Variants in ARB2A observed in about 807,000 individuals in gnomAD.
ARB2A encodes the protein ARB2 cotranscriptional regulator A, also known as cotranscriptional regulator ARB2A.
At chr5:93,874,677 A>G in the ARB2A span, among the ~76,000 whole-genome samples, 1 of 152,170 alleles carries the variant, frequency 6.6e-6, no homozygotes, top group Non-Finnish European at 1.5e-5. Flanking sequence ...ATCTACATTC[A>G]GTTGGTCAGA....
chr5:93,622,787 G>A, the ARB2A span, among the ~76,000 whole-genome samples: 4 of 152,068 alleles, frequency 2.6e-5, no homozygotes, highest in African/African-American at 4.8e-5. Flanking sequence ...GATGAGTGTA[G>A]GTTTATCTTG....
the ARB2A span, among the ~76,000 whole-genome samples, chr5:93,873,389 G>GAAAGGAAAGGAAAGGAAA: frequency 1.4e-3 from 7 of 4,922 alleles, no homozygotes; most frequent in African/African-American, 3.2e-3. Context: ...GGAAAGGAAG[G>GAAAGGAAAGGAAAGGAAA]GGAAGGGGAA....
the ARB2A span, among the ~76,000 whole-genome samples, chr5:93,757,052 T>G: frequency 5.9e-4 from 90 of 152,136 alleles, no homozygotes; most frequent in Admixed American, 9.8e-4. Context: ...TCAGGAAACT[T>G]TGGGACACAC....
At chr5:93,930,218 T>C in the ARB2A span, among the ~76,000 whole-genome samples, 10 of 152,334 alleles carry the variant, frequency 6.6e-5, no homozygotes, top group South Asian at 1.7e-3. Context: ...ATTATAAATA[T>C]GCTTGATAAT....
chr5:93,887,478 G>A, the ARB2A span, among the ~76,000 whole-genome samples: 3 of 151,658 alleles, frequency 2.0e-5, no homozygotes, highest in African/African-American at 2.4e-5. Flanking sequence ...TAGAAAATAC[G>A]TGTTCGGCAT....
chr5:93,867,756 C>A, the ARB2A span, among the ~76,000 whole-genome samples: 4 of 151,868 alleles, frequency 2.6e-5, no homozygotes, highest in Admixed American at 2.0e-4. Context: ...TGGTTGATGA[C>A]CATTTTGACT....
chr5:94,025,636 T>C, the ARB2A span, among the ~76,000 whole-genome samples: 32 of 152,154 alleles, frequency 2.1e-4, no homozygotes, highest in Admixed American at 5.9e-4. Flanking sequence ...AATGTGATGC[T>C]AAGAATGTAA....
chr5:93,840,271 G>T, the ARB2A span, among the ~76,000 whole-genome samples: 1 of 152,054 alleles, frequency 6.6e-6, no homozygotes, highest in East Asian at 1.9e-4. Flanking sequence ...CAGATTCAAG[G>T]CTACATTACT....
chr5:94,004,281 A>G, the ARB2A span, among the ~76,000 whole-genome samples: 7 of 152,196 alleles, frequency 4.6e-5, no homozygotes, highest in Non-Finnish European at 1.0e-4. Context: ...GGTTTCACCA[A>G]AATCATGATC....
At chr5:94,086,169 A>G in the ARB2A span, among the ~76,000 whole-genome samples, 1 of 152,240 alleles carries the variant, frequency 6.6e-6, no homozygotes, top group African/African-American at 2.4e-5. Flanking sequence ...GGCCACTTTT[A>G]TATCAGTATA....
At chr5:93,977,906 A>T in the ARB2A span, among the ~76,000 whole-genome samples, 8 of 152,158 alleles carry the variant, frequency 5.3e-5, no homozygotes, top group Non-Finnish European at 8.8e-5. Context: ...TAAGGTGCTT[A>T]AACTATTGAA....
At chr5:93,683,261 T>C in the ARB2A span, 1 of 1,578,550 alleles carries the variant, frequency 6.3e-7, no homozygotes, top group East Asian at 2.2e-5. Context: ...TACTTTTTTC[T>C]GTGGAACCTT....
the ARB2A span, among the ~76,000 whole-genome samples, chr5:93,828,843 C>G: frequency 2.0e-5 from 3 of 152,150 alleles, no homozygotes; most frequent in Non-Finnish European, 4.4e-5. Flanking sequence ...GTGGCGCAAT[C>G]TTGGCTCACT....
chr5:93,958,889 A>G, the ARB2A span: 12 of 1,608,644 alleles, frequency 7.5e-6, no homozygotes, highest in Non-Finnish European at 9.3e-6. Context: ...ATGAATTAAA[A>G]CCATCAGTTT....
the ARB2A span, among the ~76,000 whole-genome samples, chr5:93,988,483 G>A: frequency 6.6e-6 from 1 of 152,026 alleles, no homozygotes; most frequent in African/African-American, 2.4e-5. Flanking sequence ...CCCATTCTTT[G>A]CTTACGTTAA....
the ARB2A span, among the ~76,000 whole-genome samples, chr5:94,011,366 T>C: frequency 6.6e-6 from 1 of 152,182 alleles, no homozygotes; most frequent in African/African-American, 2.4e-5. Context: ...CACAATGTCT[T>C]TTACTTATTT....
chr5:93,936,059 A>G, the ARB2A span, among the ~76,000 whole-genome samples: 5 of 152,300 alleles, frequency 3.3e-5, no homozygotes, highest in South Asian at 8.3e-4. Flanking sequence ...ATGCTTGAAC[A>G]TGGTATACTA....
At chr5:93,795,476 T>C in the ARB2A span, among the ~76,000 whole-genome samples, 1 of 152,188 alleles carries the variant, frequency 6.6e-6, no homozygotes, top group South Asian at 2.1e-4. Flanking sequence ...GTGGATTCTC[T>C]TGGCTTTCTT....
the ARB2A span, among the ~76,000 whole-genome samples, chr5:93,976,508 G>C: frequency 1.6e-4 from 24 of 152,274 alleles, no homozygotes; most frequent in African/African-American, 5.5e-4. Context: ...ACCTCTCAAG[G>C]GAGGGAAGTG....
Sources: allele counts gnomAD v4.1 joint callset (sites outside exome capture counted in the v4.1 genomes callset), GRCh38; gene constraint gnomAD v4.1.1; transcripts MANE v1.5; gene names NCBI Gene and HGNC (gene_info 2026-07-23, HGNC 2026-07-21).